Variants in OCLN observed in about 807,000 individuals in gnomAD.
OCLN encodes occludin.
Under a neutral mutation model 47.9 loss-of-function variants are expected in OCLN, and 21 were observed. The observed-to-expected ratio is 0.44, with a 90% CI of 0.31 to 0.63. The LOEUF (loss-of-function observed/expected upper bound fraction) is 0.63, where lower values mean the gene tolerates loss of function less well. Among genes scored for constraint, OCLN ranks in the 30% least tolerant of loss-of-function variants. The pLI is 0.08. For missense variants in OCLN, 360 were observed against 571.0 expected (o/e 0.63, Z 3.77); for synonymous variants, 117 against 198.4 (o/e 0.59, Z 3.45).
At chr5:69,512,380 A>G (rs555509978) in intron 3 of OCLN, among the ~76,000 whole-genome samples, 1 of 152,350 alleles carries the variant, frequency 6.6e-6, no homozygotes, top group South Asian at 2.1e-4. Context: ...GTGGACATTT[A>G]TTTCTGGGCT....
At position 69,526,885 on chromosome 5, in the gene OCLN, T is replaced by C. The variant is rs559725773; in HGVS notation, c.892-7809T>C. On this transcript the variant is annotated intron_variant, in intron 4 of 8. Transcript: ENST00000396442. Reference sequence around the variant, plus strand: ...TATCCGTGAATGGGGTCCTGATGCATGCGTAATGAACAAACATTCGTGTTA... The same window carrying C: ...TATCCGTGAATGGGGTCCTGATGCACGCGTAATGAACAAACATTCGTGTTA... 7.9e-5 allele frequency among the ~76,000 whole-genome samples: 12 copies of C among 152,324 alleles called. No homozygotes were observed. The South Asian group carries it at 2.3e-3, about 29-fold the overall frequency.
At chr5:69,501,579 A>G (rs913982083) in intron 1 of OCLN, among the ~76,000 whole-genome samples, 7 of 151,862 alleles carry the variant, frequency 4.6e-5, no homozygotes, top group Non-Finnish European at 1.0e-4. Flanking sequence ...GTGAGCTGAG[A>G]TGATGGCACT....
rs189889341 is a variant in OCLN, at chr5:69,527,207, A to T, written c.892-7487A>T. Among the ~76,000 whole-genome samples, 648 of 151,856 alleles carry T rather than the reference A, an allele frequency of 4.3e-3. 4 individuals carry two copies. Among genetic ancestry groups the T allele is most frequent in the Middle Eastern group, 0.021 (6 of 290 alleles). ...CAGGGGAATTGCTTGAACCCAGGAGACGGTGGTTGCAGTGAGCCGACACAG... is the reference window on the plus strand; with the variant it reads ...CAGGGGAATTGCTTGAACCCAGGAGTCGGTGGTTGCAGTGAGCCGACACAG... On this transcript the variant is annotated intron_variant, in intron 4 of 8. Coordinates refer to ENST00000396442, the MANE Select transcript of OCLN (RefSeq NM_001205254.2).
chr5:69,516,331 C>T (rs1005189009), intron 4 of OCLN, among the ~76,000 whole-genome samples: 2 of 152,178 alleles, frequency 1.3e-5, no homozygotes, highest in African/African-American at 4.8e-5. Flanking sequence ...CCCGTCTCCA[C>T]CAAAAAAATA....
At chr5:69,507,949 A>G (rs1768653825) in intron 2 of OCLN, among the ~76,000 whole-genome samples, 1 of 152,234 alleles carries the variant, frequency 6.6e-6, no homozygotes, top group Non-Finnish European at 1.5e-5. Context: ...AATCTTGTAT[A>G]TCTAAAACAT....
chr5:69,511,138 G>A (rs28807720), intron 3 of OCLN, among the ~76,000 whole-genome samples: 99,637 of 151,452 alleles, frequency 0.66, 33,999 homozygotes, highest in South Asian at 0.76. Context: ...GCAGTGGTGT[G>A]ATCTTTGCTC....
At chr5:69,503,672 G>GT (rs1768519982) in intron 1 of OCLN, among the ~76,000 whole-genome samples, 2 of 152,252 alleles carry the variant, frequency 1.3e-5, no homozygotes, top group Non-Finnish European at 2.9e-5. Context: ...CATGCATATT[G>GT]TTTTTTCTCC....
chr5:69,537,268 G>A (rs1162267058), intron 5 of OCLN, among the ~76,000 whole-genome samples: 2 of 55,504 alleles, frequency 3.6e-5, no homozygotes, highest in Non-Finnish European at 3.6e-5. Flanking sequence ...TGTGGTCACA[G>A]CTCACTGTAG....
intron 5 of OCLN, among the ~76,000 whole-genome samples, chr5:69,537,197 T>TTC (rs1769613904): frequency 1.1e-5 from 1 of 92,852 alleles, no homozygotes; most frequent in Non-Finnish European, 2.0e-5. Context: ...AGCTTTTTTT[T>TTC]TTTTTTTTTT....
intron 4 of OCLN, among the ~76,000 whole-genome samples, chr5:69,515,700 CAG>C (rs1039406430): frequency 4.8e-5 from 7 of 146,898 alleles, no homozygotes; most frequent in South Asian, 2.2e-4. Flanking sequence ...ACTTCCCAGA[CAG>C]AGTGGCTGCC....
chr5:69,522,689 A>G (rs1431048919), intron 4 of OCLN, among the ~76,000 whole-genome samples: 2 of 151,928 alleles, frequency 1.3e-5, no homozygotes, highest in Non-Finnish European at 2.9e-5. Flanking sequence ...CAATTATAGT[A>G]TGATGGATTT....
At chr5:69,524,127 A>G (rs1046864503) in intron 4 of OCLN, among the ~76,000 whole-genome samples, 4 of 152,300 alleles carry the variant, frequency 2.6e-5, no homozygotes, top group African/African-American at 9.6e-5. Flanking sequence ...AGGCTGGGTG[A>G]CAAAGTGAGA....
intron 2 of OCLN, among the ~76,000 whole-genome samples, chr5:69,505,367 A>G (rs916150722): frequency 1.3e-5 from 2 of 152,264 alleles, no homozygotes; most frequent in Non-Finnish European, 2.9e-5. Flanking sequence ...ACAGAGTTGT[A>G]GAACCATCAC....
chr5:69,501,209 C>T (rs1333262973), intron 1 of OCLN, among the ~76,000 whole-genome samples: 3 of 152,222 alleles, frequency 2.0e-5, no homozygotes, highest in African/African-American at 7.2e-5. Context: ...AGCCACCTCA[C>T]CTGGCCTAAA....
chr5:69,531,234 G>A (rs912463527), intron 4 of OCLN, among the ~76,000 whole-genome samples: 2 of 152,226 alleles, frequency 1.3e-5, no homozygotes, highest in African/African-American at 4.8e-5. Flanking sequence ...CGATTTGGTG[G>A]GAGGTTTGTA....
At chr5:69,519,097 C>T (rs1026448780) in intron 4 of OCLN, among the ~76,000 whole-genome samples, 4 of 152,104 alleles carry the variant, frequency 2.6e-5, no homozygotes, top group Non-Finnish European at 4.4e-5. Flanking sequence ...ATGATCTCGC[C>T]ACTGCACTCC....
chr5:69,493,851 G>A lies in OCLN; in HGVS notation c.-69+951G>A, dbSNP rs548632814. Among the ~76,000 whole-genome samples, 3 of 152,324 alleles carry A rather than the reference G, an allele frequency of 2.0e-5. No individual in the cohort carries two copies. The South Asian group carries it at 6.2e-4, about 32-fold the overall frequency. ...AGGGCCAAGATGGCCTCTGCGCCTAGGGGTTGGGAGCGGCGCCGAGCCCCT... is the reference window on the plus strand; with the variant it reads ...AGGGCCAAGATGGCCTCTGCGCCTAAGGGTTGGGAGCGGCGCCGAGCCCCT... On this transcript the variant is annotated intron_variant, in intron 1 of 8. Transcript: ENST00000396442. The surrounding 1 kb of genome is among the most constrained non-coding windows in gnomAD (Gnocchi z 5.3).
At chr5:69,513,634 A>G (rs983838243) in intron 3 of OCLN, among the ~76,000 whole-genome samples, 1 of 152,022 alleles carries the variant, frequency 6.6e-6, no homozygotes, top group African/African-American at 2.4e-5. Flanking sequence ...CCGTAGGTGT[A>G]CAAGCTTTGG....
chr5:69,522,895 T>TTTTTTTTTTTTTC, intron 4 of OCLN, among the ~76,000 whole-genome samples: 1 of 10,878 alleles, frequency 9.2e-5, no homozygotes, highest in South Asian at 2.7e-3. Flanking sequence ...CCTGGCTGAC[T>TTTTTTTTTTTTTC]TTTTTTTTTT....
Sources: gnomAD v4.1 joint callset for allele counts (sites outside exome capture counted in the v4.1 genomes callset) on GRCh38, gnomAD v4.1.1 for gene constraint, Gnocchi (gnomAD v3.1) non-coding constraint, MANE v1.5 for transcripts, NCBI Gene and HGNC (gene_info 2026-07-23, HGNC 2026-07-21) for gene names.